The following PTPRS variants were observed in gnomAD, a reference collection of about 807,000 sequenced individuals.
PTPRS encodes protein tyrosine phosphatase receptor type S.
A neutral mutation model predicts 215.3 loss-of-function variants in PTPRS; 63 were observed. The ratio of observed to expected loss-of-function variants is 0.29; its 90% CI spans 0.24 to 0.36. PTPRS has a LOEUF of 0.36. Ranked by LOEUF, PTPRS falls within the 10% of genes least tolerant of loss-of-function variation. PTPRS has a pLI of 1.00. For missense variants in PTPRS, 2,258 were observed against 2,825.8 expected (o/e 0.80, Z 4.56); for synonymous variants, 1,404 against 1,191.4 (o/e 1.18, Z -3.68).
rs905355908 is a variant in PTPRS at position 5,340,766 on chromosome 19, G to A, written c.-197C>T. On this transcript the variant is annotated 5_prime_UTR_variant, in exon 1 of 38. Transcript: ENST00000262963. ...CCCGAGCGCCAGCGGCTCGCGGCGT[G>A]CGCGCGCCGGCCGGGCTGCCGGGCG... The A allele has an allele frequency of 2.7e-5, 4 of 149,604 alleles. No homozygotes were observed. Among genetic ancestry groups the A allele is most frequent in the African/African-American group, 9.7e-5 (4 of 41,070 alleles). 9.3% of individuals were successfully genotyped at this position (149,604 alleles called of 1,614,324 possible).
intron 4 of PTPRS, among the ~76,000 whole-genome samples, chr19:5,267,225 C>T (rs1039460556): frequency 4.3e-5 from 6 of 140,900 alleles, no homozygotes; most frequent in South Asian, 2.6e-4. Flanking sequence ...CGGGGGGGAG[C>T]GGGGACAAGG....
In PTPRS at chr19:5,210,070, ATC is replaced by A. The variant is rs1172833983; in HGVS notation, c.5487+397_5487+398del. 6.6e-6 allele frequency among the ~76,000 whole-genome samples: 1 copy of A among 151,712 alleles called. No individual in the cohort carries two copies. Among genetic ancestry groups the A allele is most frequent in the African/African-American group, 2.4e-5 (1 of 41,248 alleles). On this transcript the variant is annotated intron_variant, in intron 35 of 37. Transcript: ENST00000262963. The surrounding 1 kb of genome is among the most constrained non-coding windows in gnomAD (Gnocchi z 4.5). ...CATTGAGCCAACACCATCCATACTC[ATC>A]TCTCCTCACCCAACGGTGCCAGTCC...
intron 1 of PTPRS, among the ~76,000 whole-genome samples, chr19:5,332,568 C>G (rs1421460349): frequency 6.6e-6 from 1 of 152,220 alleles, no homozygotes; most frequent in Non-Finnish European, 1.5e-5. Context: ...AGTGGAGACT[C>G]CAGCCCTGAC....
At chr19:5,277,618 C>G (rs531865220) in intron 2 of PTPRS, 3 of 362,552 alleles carry the variant, frequency 8.3e-6, no homozygotes, top group Non-Finnish European at 1.5e-5. Flanking sequence ...ATCGCGCCAC[C>G]GCACTCCAGC....
Position 5,262,978 on chromosome 19 carries a change from C to CGTTTACAACAGGAGGATAAGAAAAGAGAA in PTPRS, c.569-35_569-7dup, listed in dbSNP as rs1568507911. The CGTTTACAACAGGAGGATAAGAAAAGAGAA allele has an allele frequency of 2.8e-6, 4 of 1,414,812 alleles. No individual in the cohort carries two copies. In the African/African-American group the frequency reaches 6.1e-5, roughly 22 times the overall value. 87.6% of individuals were successfully genotyped at this position (1,414,812 alleles called of 1,614,324 possible). A position where few individuals can be genotyped will look rare whatever the true frequency, so the allele number is the denominator to read the frequency against. On this transcript the variant is annotated splice_region_variant and splice_polypyrimidine_tract_variant and intron_variant, in intron 5 of 37. Transcript: ENST00000262963. ...ATCAGACTTACCAAAGGTTTCTGAA[C>CGTTTACAACAGGAGGATAAGAAAAGAGAA]GTTTACAACAGGAGGATAAGAAAAG... is the stretch of plus-strand genomic sequence containing the variant.
rs542528719 is a variant in PTPRS, at chr19:5,320,283, T to C, written c.-95+20381A>G. 3.9e-5 allele frequency among the ~76,000 whole-genome samples: 6 copies of C among 152,054 alleles called. No individual in the cohort carries two copies. The East Asian group carries it at 1.2e-3, about 30-fold the overall frequency. ...TGGCTGGACAGGTCCCTCCGGCAGG[T>C]TTAATCCCTGCCCCAGTGGGAGAGG... is the stretch of plus-strand genomic sequence containing the variant. On this transcript the variant is annotated intron_variant, in intron 1 of 37. Transcript: ENST00000262963.
At position 5,330,734 on chromosome 19, in the gene PTPRS, C is replaced by T. The variant is rs1045094744; in HGVS notation, c.-95+9930G>A. ...GCCAGGGAGGGTCTTTGTCAGGATCCGAACCTGGGGCGTTCAGACCCCTAA... is the reference window on the plus strand; with the variant it reads ...GCCAGGGAGGGTCTTTGTCAGGATCTGAACCTGGGGCGTTCAGACCCCTAA... On this transcript the variant is annotated intron_variant, in intron 1 of 37. Transcript: ENST00000262963. 2.0e-5 allele frequency among the ~76,000 whole-genome samples: 3 copies of T among 152,154 alleles called. No individual in the cohort carries two copies. The East Asian group carries it at 5.8e-4, about 29-fold the overall frequency.
In PTPRS at chr19:5,214,574, T is replaced by A. The variant is rs867284088; in HGVS notation, c.4481A>T (p.Glu1494Val). The change falls in exon 29 of 38, where the codon GAG becomes GTG. Residue 1494 changes from glutamate (E) to valine (V), a missense_variant. This residue lies in a region of PTPRS where 927 missense variants were observed against 1,125.9 expected (regional missense o/e 0.82). Coordinates refer to ENST00000262963, the MANE Select transcript of PTPRS (RefSeq NM_002850.4). ...TCCAAGGCTCACCCGTGACTTCTCC[T>A]CCAGCCGCGTCATCATGACGATGGT... ...SATIVMMTRL[E>V]EKSRIKCDQY... 6.2e-7 allele frequency: 1 copy of A among 1,611,086 alleles called. No individual in the cohort carries two copies. Among genetic ancestry groups the A allele is most frequent in the African/African-American group, 1.3e-5 (1 of 74,908 alleles).
intron 13 of PTPRS, among the ~76,000 whole-genome samples, chr19:5,235,925 G>A (rs548587036): frequency 1.3e-5 from 2 of 152,208 alleles, no homozygotes; most frequent in African/African-American, 2.4e-5. Flanking sequence ...GAGGGCATTA[G>A]TGATAATAAA....
intron 16 of PTPRS, among the ~76,000 whole-genome samples, 190 bp downstream of exon 16, chr19:5,229,126 A>G (rs2042777975): frequency 6.6e-6 from 1 of 152,220 alleles, no homozygotes; most frequent in African/African-American, 2.4e-5. Context: ...TGGTCCGAGT[A>G]TCCCATTTCC....
chr19:5,260,825 G>T lies in PTPRS; in HGVS notation c.578-3C>A. 6.2e-7 allele frequency: 1 copy of T among 1,613,544 alleles called. No homozygotes were observed. Among genetic ancestry groups the T allele is most frequent in the Non-Finnish European group, 8.5e-7 (1 of 1,179,740 alleles). On this transcript the variant is annotated splice_region_variant and splice_polypyrimidine_tract_variant and intron_variant, in intron 6 of 37. Transcript: ENST00000262963. Reference sequence around the variant, plus strand: ...CTTACCTCGAATCGGAGTGCTTTCTGTAAGGGAAGCAGAGAGAACCAGGTG... The same window carrying T: ...CTTACCTCGAATCGGAGTGCTTTCTTTAAGGGAAGCAGAGAGAACCAGGTG...
rs1324207631 is a variant in PTPRS, at chr19:5,257,931, G to GGGAGCCCGGA, written c.706+76_706+85dup. 8.3e-7 allele frequency: 1 copy of GGGAGCCCGGA among 1,198,776 alleles called. No individual in the cohort carries two copies. Among genetic ancestry groups the GGGAGCCCGGA allele is most frequent in the Non-Finnish European group, 1.2e-6 (1 of 833,702 alleles). The allele number at this position is 1,198,776 out of a possible 1,614,324, so 74.3% of individuals were successfully genotyped here. A position where few individuals can be genotyped will look rare whatever the true frequency, so the allele number is the denominator to read the frequency against. On this transcript the variant is annotated intron_variant, in intron 8 of 37. Coordinates refer to ENST00000262963, the MANE Select transcript of PTPRS (RefSeq NM_002850.4). This position sits in a 1 kb window ranked among gnomAD's most constrained non-coding sequence, Gnocchi z 4.4. ...TCCTGCTTGGGTGTGCAGGGGACGG[G>GGGAGCCCGGA]GGAGCCCGGAGGCGGTGAGCCCGAG... is the stretch of plus-strand genomic sequence containing the variant.
At position 5,211,971 on chromosome 19, in the gene PTPRS, C is replaced by A; in HGVS notation, c.5049G>T (p.Glu1683Asp). 1 of 1,601,194 alleles carries A rather than the reference C, an allele frequency of 6.2e-7. No individual in the cohort carries two copies. The highest frequency in any genetic ancestry group is 8.5e-7 in the Non-Finnish European group (1 of 1,174,438). Residue 1683 changes from glutamate to aspartate, a missense_variant, in exon 32 of 38, where the codon GAG becomes GAT. Transcript: ENST00000262963. Reference sequence around the variant, plus strand: ...GCCTCCACCCCGCTGGCACCTTGAACTCGAGTTCCATGCCAGTGACGTGTT... The same window carrying A: ...GCCTCCACCCCGCTGGCACCTTGAAATCGAGTTCCATGCCAGTGACGTGTT... Reference protein sequence around the residue: ...PGEHVTGMELEFKRLANSKAH... With the variant: ...PGEHVTGMELDFKRLANSKAH...
chr19:5,227,281 G>C (rs116074240), intron 16 of PTPRS, among the ~76,000 whole-genome samples: 4,795 of 152,140 alleles, frequency 0.032, 276 homozygotes, highest in African/African-American at 0.11. Context: ...TAAACTTTGG[G>C]CTCAAGTGAT....
At position 5,331,326 on chromosome 19, in the gene PTPRS, TCTCA is replaced by T. The variant is rs1438568517; in HGVS notation, c.-95+9334_-95+9337del. Among the ~76,000 whole-genome samples, 6 of 151,444 alleles carry T rather than the reference TCTCA, an allele frequency of 4.0e-5. No homozygotes were observed. The East Asian group carries it at 9.8e-4, about 25-fold the overall frequency. ...TTTTTTGTTTTTTGTAGAGATGAGGTCTCACTGTGTTGCCCAGTCTGATCTTGAA... is the reference window on the plus strand; with the variant it reads ...TTTTTTGTTTTTTGTAGAGATGAGGTCTGTGTTGCCCAGTCTGATCTTGAA... On this transcript the variant is annotated intron_variant, in intron 1 of 37. Transcript: ENST00000262963.
At chr19:5,208,584 G>A (rs999339755) in intron 35 of PTPRS, among the ~76,000 whole-genome samples, 193 bp from the exon 36 acceptor site, 8 of 152,036 alleles carry the variant, frequency 5.3e-5, no homozygotes, top group African/African-American at 1.5e-4. Context: ...AGTGATTCAA[G>A]TAATTCTCCT....
chr19:5,238,841 G>C, intron 13 of PTPRS, 78 bp downstream of exon 13: 1 of 1,465,250 alleles, frequency 6.8e-7, no homozygotes, highest in Non-Finnish European at 8.9e-7. Context: ...GCCCCGCCTG[G>C]GTCCGTCTGC....
intron 28 of PTPRS, 86 bp downstream of exon 28, chr19:5,215,203 C>T (rs1210088274): frequency 5.8e-6 from 9 of 1,555,602 alleles, no homozygotes; most frequent in Non-Finnish European, 7.9e-6. Flanking sequence ...CAGAATCAGG[C>T]CTCAGTGGCC....
At chr19:5,323,767 G>C (rs1031446065) in intron 1 of PTPRS, among the ~76,000 whole-genome samples, 1 of 152,188 alleles carries the variant, frequency 6.6e-6, no homozygotes, top group Non-Finnish European at 1.5e-5. Context: ...GAGCCATAGA[G>C]GGCTATAGGC....
Sources: gnomAD v4.1 joint callset for allele counts (sites outside exome capture counted in the v4.1 genomes callset) on GRCh38, gnomAD v4.1.1 for gene constraint, gnomAD v4.1.1 regional missense constraint, Gnocchi (gnomAD v3.1) non-coding constraint, MANE v1.5 for transcripts, NCBI Gene and HGNC (gene_info 2026-07-23, HGNC 2026-07-21) for gene names.